Variants in MGAT4A observed in about 807,000 individuals in gnomAD.
The protein encoded by MGAT4A is N-acetylglucosaminyltransferase IVa.
MGAT4A carries 33 observed loss-of-function variants against 74.1 expected under a neutral mutation model. The observed-to-expected ratio is 0.45, with a 90% CI of 0.34 to 0.60. MGAT4A has a LOEUF of 0.60. Among genes scored for constraint, MGAT4A ranks in the 20% least tolerant of loss-of-function variants. The pLI is 0.02. For synonymous variants in MGAT4A, 198 were observed against 210.4 expected, an observed-to-expected ratio of 0.94 and a Z score of 0.51; for missense variants, 479 against 628.3, an observed-to-expected ratio of 0.76 and a Z score of 2.54.
intron 11 of MGAT4A, 35 bp from the exon 12 acceptor site, chr2:98,640,036 C>G: frequency 6.4e-7 from 1 of 1,557,568 alleles, no homozygotes; most frequent in Admixed American, 1.8e-5. Context: ...TTAAATAATA[C>G]ACAGCTTATT....
chr2:98,677,961 T>C (rs1173075182), intron 3 of MGAT4A, among the ~76,000 whole-genome samples: 2 of 151,582 alleles, frequency 1.3e-5, no homozygotes, highest in Non-Finnish European at 2.9e-5. Flanking sequence ...CCGGGTGCAG[T>C]GGCTCACGCC....
intron 2 of MGAT4A, among the ~76,000 whole-genome samples, chr2:98,684,243 A>G (rs533317992): frequency 3.3e-5 from 5 of 152,370 alleles, no homozygotes; most frequent in South Asian, 4.1e-4. Flanking sequence ...TATTGTCAAC[A>G]TTAGTAGAAA....
intron 8 of MGAT4A, among the ~76,000 whole-genome samples, chr2:98,647,739 G>C (rs1483043780): frequency 6.6e-6 from 1 of 152,196 alleles, no homozygotes; most frequent in Non-Finnish European, 1.5e-5. Context: ...TTGCAATAAA[G>C]CACTTTATGA....
At chr2:98,641,633 G>C (rs545559083) in intron 10 of MGAT4A, among the ~76,000 whole-genome samples, 1 of 151,018 alleles carries the variant, frequency 6.6e-6, no homozygotes, top group Non-Finnish European at 1.5e-5. Flanking sequence ...CCGAGATCGC[G>C]CCACTGCACT....
chr2:98,656,268 G>T, intron 7 of MGAT4A, 84 bp downstream of exon 7: 1 of 1,003,770 alleles, frequency 1.0e-6, no homozygotes, highest in Non-Finnish European at 1.5e-6. Flanking sequence ...ACTCTAAAAT[G>T]TTTTCAGCTT....
At chr2:98,668,450 A>G (rs1294875871) in intron 4 of MGAT4A, among the ~76,000 whole-genome samples, 2 of 152,180 alleles carry the variant, frequency 1.3e-5, no homozygotes, top group Admixed American at 1.3e-4. Flanking sequence ...AATAATGGGG[A>G]ACCTCCACCT....
chr2:98,644,033 C>T lies in MGAT4A; in HGVS notation c.910G>A (p.Asp304Asn), dbSNP rs1399121144. ...ATGAATTCTACAATCAGAGTAAGAT[C>T]CGGCGCTTGAAACATTTTACCTGAA... ...GFIGKMFQAP[D>N]LTLIVEFIFM... The change falls in exon 10 of 16, where the codon GAT becomes AAT. Residue 304 changes from aspartate (D) to asparagine (N), a missense_variant. Physicochemically the swap from Asp to Asn is conservative, Grantham distance 23. This residue lies in a region of MGAT4A where 236 missense variants were observed against 308.2 expected (regional missense o/e 0.77). Transcript: ENST00000393487. 1.1e-5 allele frequency: 18 copies of T among 1,589,572 alleles called. No individual in the cohort carries two copies. The highest frequency in any genetic ancestry group is 1.5e-5 in the Non-Finnish European group (18 of 1,164,648).
intron 4 of MGAT4A, 130 bp downstream of exon 4, chr2:98,674,905 G>A (rs567362388): frequency 3.6e-6 from 3 of 829,004 alleles, no homozygotes; most frequent in East Asian, 5.8e-5. Flanking sequence ...AGTTTAGAAT[G>A]ATCTGATGTG....
At chr2:98,644,153 G>A (rs1056837240) in intron 9 of MGAT4A, 100 bp from the exon 10 acceptor site, 23 of 1,153,498 alleles carry the variant, frequency 2.0e-5, no homozygotes, top group Non-Finnish European at 2.6e-5. Flanking sequence ...TGAGGCTTGC[G>A]CTTTCAACTA....
At position 98,630,672 on chromosome 2, in the gene MGAT4A, G is replaced by A. The variant is rs187890011; in HGVS notation, c.1468+4550C>T. On this transcript the variant is annotated intron_variant, in intron 14 of 15. Coordinates refer to ENST00000393487, the MANE Select transcript of MGAT4A (RefSeq NM_012214.3). ...GAGATGTAAAACTGGATTATAGGGC[G>A]TATCATTTGTGTGTGACGATGTGTT... Among the ~76,000 whole-genome samples, 37 of 152,182 alleles carry A rather than the reference G, an allele frequency of 2.4e-4. No homozygotes were observed. In the East Asian group the frequency reaches 2.9e-3, roughly 12 times the overall value.
At position 98,663,092 on chromosome 2, in the gene MGAT4A, T is replaced by C; in HGVS notation, c.491A>G (p.Tyr164Cys). The change falls in exon 5 of 16, where the codon TAT becomes TGT. Residue 164 changes from tyrosine to cysteine, a missense_variant. Tyr to Cys is a radical substitution (Grantham distance 194). This residue lies in a region of MGAT4A where 205 missense variants were observed against 232.7 expected (regional missense o/e 0.88). Transcript: ENST00000393487. ...AACACAGTCCAACTTCTCTTCAGGA[T>C]ACAGGTTATCAATAAGGGAATGAAG... Reference protein sequence around the residue: ...ETLHSLIDNLYPEEKLDCVIV... With the variant: ...ETLHSLIDNLCPEEKLDCVIV... The C allele has an allele frequency of 6.2e-7, 1 of 1,600,200 alleles. No homozygotes were observed. The highest frequency in any genetic ancestry group is 8.5e-7 in the Non-Finnish European group (1 of 1,171,036).
chr2:98,676,148 G>A (rs191708764), intron 3 of MGAT4A, among the ~76,000 whole-genome samples: 1 of 152,206 alleles, frequency 6.6e-6, no homozygotes, highest in African/African-American at 2.4e-5. Context: ...AAGCAAGCTA[G>A]CAGTAGGAAT....
intron 2 of MGAT4A, among the ~76,000 whole-genome samples, chr2:98,724,521 A>G (rs1035242371): frequency 6.6e-6 from 1 of 152,252 alleles, no homozygotes; most frequent in African/African-American, 2.4e-5. Flanking sequence ...AAGTTTGCAA[A>G]GAAGAATTAT....
chr2:98,705,948 CAAAAAA>C (rs35710005), intron 2 of MGAT4A, among the ~76,000 whole-genome samples: 1 of 47,510 alleles, frequency 2.1e-5, no homozygotes, highest in South Asian at 7.6e-4. Flanking sequence ...GACTCCGTCT[CAAAAAA>C]AAAAAAAAAA....
chr2:98,682,932 C>G (rs1309893171), intron 2 of MGAT4A, among the ~76,000 whole-genome samples: 1 of 151,704 alleles, frequency 6.6e-6, no homozygotes, highest in African/African-American at 2.4e-5. Flanking sequence ...TAAAAAAATA[C>G]AAAAATTTAG....
At position 98,667,075 on chromosome 2, in the gene MGAT4A, A is replaced by G. The variant is rs553066159; in HGVS notation, c.404-3896T>C. On this transcript the variant is annotated intron_variant, in intron 4 of 15. Coordinates refer to ENST00000393487, the MANE Select transcript of MGAT4A (RefSeq NM_012214.3). ...TACAAGATCTGATGGTTTTAAAAAG[A>G]GGAGTTCCCCTGCACAAGCTTGCTC... is the stretch of plus-strand genomic sequence containing the variant. Among the ~76,000 whole-genome samples the G allele has an allele frequency of 3.9e-3, 584 of 150,932 alleles. 3 individuals carry two copies. The highest frequency in any genetic ancestry group is 6.0e-3 in the Non-Finnish European group (408 of 67,876).
chr2:98,659,291 T>C (rs1387585292), intron 5 of MGAT4A, among the ~76,000 whole-genome samples: 1 of 152,106 alleles, frequency 6.6e-6, no homozygotes, highest in Non-Finnish European at 1.5e-5. Context: ...ACAAACAGGG[T>C]GGAGCACAGG....
At chr2:98,664,065 G>T (rs1701790911) in intron 4 of MGAT4A, among the ~76,000 whole-genome samples, 1 of 151,844 alleles carries the variant, frequency 6.6e-6, no homozygotes, top group African/African-American at 2.4e-5. Context: ...AAATTATCTG[G>T]GCATGGTGGC....
chr2:98,684,293 T>A (rs1036440683), intron 2 of MGAT4A, among the ~76,000 whole-genome samples: 3 of 152,194 alleles, frequency 2.0e-5, no homozygotes, highest in African/African-American at 7.2e-5. Flanking sequence ...TTTCAATCGG[T>A]TTGTATGAGG....
Sources: gnomAD v4.1 joint callset for allele counts (sites outside exome capture counted in the v4.1 genomes callset) on GRCh38, gnomAD v4.1.1 for gene constraint, gnomAD v4.1.1 regional missense constraint, MANE v1.5 for transcripts, NCBI Gene and HGNC (gene_info 2026-07-23, HGNC 2026-07-21) for gene names.